CCDC69: variants seen among roughly 807,000 people sequenced by gnomAD.
CCDC69 encodes the protein coiled-coil domain-containing protein 69.
CCDC69 carries 38 observed loss-of-function variants against 40.3 expected under a neutral mutation model. The ratio of observed to expected loss-of-function variants is 0.94; its 90% confidence interval spans 0.73 to 1.24. The LOEUF (loss-of-function observed/expected upper bound fraction) is 1.24, where lower values mean the gene tolerates loss of function less well. Among genes scored for constraint, CCDC69 ranks in the 50% most tolerant of loss-of-function variants. The probability of loss-of-function intolerance (pLI) is 0.00; values close to 1 mark genes in which losing one functional copy is unlikely to be tolerated. For missense variants in CCDC69, 389 were observed against 357.9 expected (o/e 1.09, Z -0.70); for synonymous variants, 141 against 138.9 (o/e 1.02, Z -0.11).
chr5:151,183,986 T>C lies in CCDC69; in HGVS notation c.713+358A>G, dbSNP rs921207981. On this transcript the variant is annotated intron_variant, in intron 8 of 8. Coordinates refer to ENST00000355417, the MANE Select transcript of CCDC69 (RefSeq NM_015621.3). ...GAAAATATGTACAGTATTCAATAAA[T>C]TATGTCTGACACATGATACTAGCTC... 7.2e-5 allele frequency among the ~76,000 whole-genome samples: 11 copies of C among 152,168 alleles called. No individual in the cohort carries two copies. The South Asian group carries it at 1.7e-3, about 23-fold the overall frequency.
chr5:151,204,377 A>G (rs1202019182), intron 2 of CCDC69, among the ~76,000 whole-genome samples: 1 of 152,136 alleles, frequency 6.6e-6, no homozygotes, highest in East Asian at 1.9e-4. Flanking sequence ...TTGTGGTCCA[A>G]TTACTTATGC....
intron 1 of CCDC69, among the ~76,000 whole-genome samples, chr5:151,206,677 C>T (rs1267154131): frequency 6.7e-6 from 1 of 149,976 alleles, no homozygotes; most frequent in Non-Finnish European, 1.5e-5. Flanking sequence ...ACCTCTCAGC[C>T]TGGAGTACAG....
intron 3 of CCDC69, among the ~76,000 whole-genome samples, chr5:151,200,272 G>A (rs914070722): frequency 6.6e-6 from 1 of 152,024 alleles, no homozygotes; most frequent in South Asian, 2.1e-4. Flanking sequence ...CCAAGTAGCT[G>A]GGATTACAGG....
At chr5:151,207,212 C>T (rs548586633) in intron 1 of CCDC69, among the ~76,000 whole-genome samples, 7 of 152,114 alleles carry the variant, frequency 4.6e-5, no homozygotes, top group Non-Finnish European at 1.5e-5. Context: ...GCCACTGTAC[C>T]TGGCCAAATG....
Position 151,181,983 on chromosome 5 carries a change from T to C in CCDC69, c.*1454A>G, listed in dbSNP as rs1362675382. 6.6e-6 allele frequency: 1 copy of C among 152,170 alleles called. No homozygotes were observed. Among genetic ancestry groups the C allele is most frequent in the Non-Finnish European group, 1.5e-5 (1 of 68,048 alleles). The allele number at this position is 152,170 out of a possible 1,614,324, so 9.4% of individuals were successfully genotyped here. On this transcript the variant is annotated 3_prime_UTR_variant, in exon 9 of 9. Transcript: ENST00000355417. The stretch of plus-strand genomic sequence containing the variant: ...TAAACCTAGAAACAGAAGGAGACTG[T>C]ACACAGGGGAATACAGAAGGCAGTC...
Position 151,183,157 on chromosome 5 carries a change from C to T in CCDC69, c.*280G>A, listed in dbSNP as rs116559075. On this transcript the variant is annotated 3_prime_UTR_variant, in exon 9 of 9. Coordinates refer to ENST00000355417, the MANE Select transcript of CCDC69 (RefSeq NM_015621.3). ...CCCCTGGGAAAGCCTCGGAACTTCT[C>T]GGATTGGGACAGAGTGCTGGGGCAG... is the stretch of plus-strand genomic sequence containing the variant. The T allele has an allele frequency of 3.2e-3, 1,892 of 589,242 alleles. 32 individuals carry two copies. The highest frequency in any genetic ancestry group is 0.031 in the African/African-American group (1,721 of 54,716). The allele number at this position is 589,242 out of a possible 1,614,324, so 36.5% of individuals were successfully genotyped here. A position where few individuals can be genotyped will look rare whatever the true frequency, so the allele number is the denominator to read the frequency against.
At chr5:151,219,485 G>A (rs558551072) in intron 1 of CCDC69, among the ~76,000 whole-genome samples, 13 of 152,146 alleles carry the variant, frequency 8.5e-5, no homozygotes, top group Non-Finnish European at 1.8e-4. Flanking sequence ...CGTCCAAACC[G>A]GTTAAATAAG....
At chr5:151,208,048 C>T (rs923363740) in intron 1 of CCDC69, among the ~76,000 whole-genome samples, 4 of 152,084 alleles carry the variant, frequency 2.6e-5, no homozygotes, top group Non-Finnish European at 5.9e-5. Flanking sequence ...GTCAGGAGTT[C>T]GAGATCAACC....
rs867756572 is a variant in CCDC69, at chr5:151,186,118, T to C, written c.400A>G (p.Ile134Val). ...REASSTQQET[I>V]DRLTSQLEAF... Reference sequence around the variant, plus strand: ...TCCAGCTGTGAGGTCAGTCTGTCTATGGTCTCCTGGAGCAGGGAGTGGGAT... The same window carrying C: ...TCCAGCTGTGAGGTCAGTCTGTCTACGGTCTCCTGGAGCAGGGAGTGGGAT... The change falls in exon 6 of 9, where the codon ATA becomes GTA. Residue 134 changes from isoleucine (I) to valine (V), a missense_variant. By Grantham distance (29) the Ile-to-Val change is conservative (BLOSUM62 3). Transcript: ENST00000355417. The C allele has an allele frequency of 1.2e-6, 2 of 1,611,434 alleles. No individual in the cohort carries two copies. Among genetic ancestry groups the C allele is most frequent in the Middle Eastern group, 1.6e-4 (1 of 6,062 alleles).
chr5:151,202,348 G>A (rs562530781), intron 2 of CCDC69, among the ~76,000 whole-genome samples: 7 of 152,250 alleles, frequency 4.6e-5, no homozygotes, highest in South Asian at 2.1e-4. Context: ...GCAACAGAGC[G>A]AGATCCTGTC....
At chr5:151,213,398 C>G (rs997842750) in intron 1 of CCDC69, among the ~76,000 whole-genome samples, 1 of 149,538 alleles carries the variant, frequency 6.7e-6, no homozygotes, top group African/African-American at 2.5e-5. Context: ...AGGTGCCCAC[C>G]ACCATGTCCG....
chr5:151,187,076 C>T (rs1367233263), intron 5 of CCDC69, among the ~76,000 whole-genome samples: 1 of 152,222 alleles, frequency 6.6e-6, no homozygotes, highest in Non-Finnish European at 1.5e-5. Context: ...AGATGCTTCC[C>T]TGCATCCTTC....
At chr5:151,186,208 C>A in intron 5 of CCDC69, 84 bp from the exon 6 acceptor site, 1 of 938,724 alleles carries the variant, frequency 1.1e-6, no homozygotes, top group South Asian at 1.3e-5. Context: ...AGAGGGAGAA[C>A]GGTTTTGGGT....
intron 2 of CCDC69, among the ~76,000 whole-genome samples, chr5:151,202,231 T>G (rs948115396): frequency 4.7e-5 from 7 of 148,692 alleles, no homozygotes; most frequent in African/African-American, 1.7e-4. Context: ...CATGATGGCA[T>G]GCACCTGCAG....
intron 1 of CCDC69, among the ~76,000 whole-genome samples, chr5:151,222,756 G>T (rs1253046341): frequency 6.6e-6 from 1 of 152,214 alleles, no homozygotes; most frequent in Admixed American, 6.5e-5. Context: ...CCCTGTTGGA[G>T]TGAGTAAAGA....
At chr5:151,213,947 C>A (rs1752994324) in intron 1 of CCDC69, among the ~76,000 whole-genome samples, 1 of 152,150 alleles carries the variant, frequency 6.6e-6, no homozygotes, top group Non-Finnish European at 1.5e-5. Flanking sequence ...TACGGGAACC[C>A]AGAGCAGGGT....
At chr5:151,185,253 C>T (rs1752476143) in intron 7 of CCDC69, 169 bp downstream of exon 7, 1 of 669,078 alleles carries the variant, frequency 1.5e-6, no homozygotes, top group Non-Finnish European at 2.6e-6. Flanking sequence ...CTGCTTGACC[C>T]AGCCTGGCCA....
rs1297475977 is a variant in CCDC69, at chr5:151,183,605, T to C, written c.723A>G (p.Ser241=). 1.2e-6 allele frequency: 2 copies of C among 1,609,108 alleles called. No homozygotes were observed. The highest frequency in any genetic ancestry group is 1.7e-6 in the Non-Finnish European group (2 of 1,177,660). The part of the protein sequence containing the change: ...RNQVVLSRQL[S]EDLLLTREAL... Reference sequence around the variant, plus strand: ...CCTCACGCGTGAGAAGCAGGTCTTCTGACAGCTGCCTGTGGATGCACACAG... The same window carrying C: ...CCTCACGCGTGAGAAGCAGGTCTTCCGACAGCTGCCTGTGGATGCACACAG... Residue 241 remains serine, a synonymous_variant, in exon 9 of 9, where the codon TCA becomes TCG. Transcript: ENST00000355417.
intron 1 of CCDC69, chr5:151,215,554 G>T: frequency 3.1e-6 from 1 of 323,116 alleles, no homozygotes; most frequent in Non-Finnish European, 6.8e-6. Flanking sequence ...GTCATGGAGG[G>T]GGCTTCTCTG....
Sources: gnomAD v4.1 joint callset for allele counts (sites outside exome capture counted in the v4.1 genomes callset) on GRCh38, gnomAD v4.1.1 for gene constraint, MANE v1.5 for transcripts, NCBI Gene and HGNC (gene_info 2026-07-23, HGNC 2026-07-21) for gene names.